The following CDIN1 variants were observed in gnomAD, a reference collection of about 807,000 sequenced individuals.
CDIN1 encodes CDAN1-interacting nuclease 1.
In CDIN1, 33 loss-of-function variants were observed where a neutral mutation model predicts 45.3. The observed-to-expected ratio is 0.73, with a 90% CI of 0.55 to 0.97. CDIN1 has a LOEUF of 0.97. Ranked by LOEUF, CDIN1 falls within the 50% of genes least tolerant of loss-of-function variation. The probability of loss-of-function intolerance (pLI) is 0.00; values close to 1 mark genes in which losing one functional copy is unlikely to be tolerated. For synonymous variants in CDIN1, 118 were observed against 124.4 expected (o/e 0.95, Z 0.34); for missense variants, 303 against 339.4 (o/e 0.89, Z 0.84).
chr15:36,618,638 T>C, intron 1 of CDIN1: 1 of 823,450 alleles, frequency 1.2e-6, no homozygotes, highest in East Asian at 2.4e-5. Flanking sequence ...GATAATGAAG[T>C]GTTGAGAGTT....
At chr15:36,645,749 G>A (rs1056426479) in intron 3 of CDIN1, among the ~76,000 whole-genome samples, 2 of 152,032 alleles carry the variant, frequency 1.3e-5, no homozygotes, top group Non-Finnish European at 2.9e-5. Context: ...ATAGGTATTA[G>A]GATATCCATT....
chr15:36,768,800 A>AAAG (rs374876141), intron 10 of CDIN1, among the ~76,000 whole-genome samples: 10 of 152,246 alleles, frequency 6.6e-5, no homozygotes, highest in African/African-American at 2.4e-4. Context: ...AGGAAAAAGC[A>AAAG]AAGAAGAGTA....
intron 10 of CDIN1, among the ~76,000 whole-genome samples, chr15:36,717,203 A>G (rs540883632): frequency 3.9e-5 from 6 of 152,208 alleles, no homozygotes; most frequent in Non-Finnish European, 8.8e-5. Flanking sequence ...GAATAAACTC[A>G]TATTTAAAGA....
At chr15:36,597,322 C>A (rs1041184315) in intron 1 of CDIN1, among the ~76,000 whole-genome samples, 2 of 152,144 alleles carry the variant, frequency 1.3e-5, no homozygotes, top group African/African-American at 4.8e-5. Flanking sequence ...TGCTCAAACT[C>A]TTTCTTTTCT....
chr15:36,739,020 G>C (rs2044134749), intron 10 of CDIN1, among the ~76,000 whole-genome samples: 1 of 152,234 alleles, frequency 6.6e-6, no homozygotes, highest in Non-Finnish European at 1.5e-5. Flanking sequence ...CAAAGTTTCT[G>C]AGACTTGGAA....
intron 1 of CDIN1, among the ~76,000 whole-genome samples, 188 bp downstream of exon 1, chr15:36,580,149 G>A (rs2036975719): frequency 6.6e-6 from 1 of 152,194 alleles, no homozygotes; most frequent in Admixed American, 6.5e-5. Flanking sequence ...AACTCTTAAC[G>A]GTGAGTTCAT....
intron 5 of CDIN1, among the ~76,000 whole-genome samples, chr15:36,679,747 C>A (rs1447402007): frequency 6.6e-6 from 1 of 152,052 alleles, no homozygotes; most frequent in Non-Finnish European, 1.5e-5. Context: ...ACCCACCAAC[C>A]TTTTCAAGGA....
At chr15:36,774,157 TGTGTGTGC>T (rs971854085) in intron 10 of CDIN1, among the ~76,000 whole-genome samples, 5 of 104,570 alleles carry the variant, frequency 4.8e-5, no homozygotes, top group African/African-American at 1.5e-4. Context: ...TGTGTGTGTG[TGTGTGTGC>T]GCGCGCGCGC....
intron 1 of CDIN1, among the ~76,000 whole-genome samples, chr15:36,586,941 A>T (rs2037329560): frequency 6.6e-6 from 1 of 152,216 alleles, no homozygotes; most frequent in South Asian, 2.1e-4. Flanking sequence ...GTTAAGTAGC[A>T]TTCTTAGGAT....
At chr15:36,599,775 G>A (rs1464038397) in intron 1 of CDIN1, among the ~76,000 whole-genome samples, 1 of 152,160 alleles carries the variant, frequency 6.6e-6, no homozygotes, top group African/African-American at 2.4e-5. Flanking sequence ...GTGATCCAGG[G>A]CTCCTCAGCT....
At chr15:36,660,815 A>G (rs2040982585) in intron 5 of CDIN1, among the ~76,000 whole-genome samples, 1 of 152,212 alleles carries the variant, frequency 6.6e-6, no homozygotes, top group Non-Finnish European at 1.5e-5. Context: ...GGGACTGAGT[A>G]TAAGTGCCTT....
chr15:36,731,626 A>G (rs2043837938), intron 10 of CDIN1, among the ~76,000 whole-genome samples: 2 of 151,920 alleles, frequency 1.3e-5, no homozygotes, highest in African/African-American at 4.8e-5. Context: ...TCCTCTGAAT[A>G]TTCTATATAT....
intron 1 of CDIN1, among the ~76,000 whole-genome samples, chr15:36,588,600 A>G (rs1338716214): frequency 6.6e-6 from 1 of 152,184 alleles, no homozygotes; most frequent in African/African-American, 2.4e-5. Context: ...TGTATTAATC[A>G]TTGGACTAGG....
intron 1 of CDIN1, among the ~76,000 whole-genome samples, chr15:36,608,166 G>A (rs1015592195): frequency 2.0e-5 from 3 of 151,992 alleles, no homozygotes; most frequent in African/African-American, 4.8e-5. Context: ...TTTTGTGTTG[G>A]CCTATGTTTT....
Position 36,654,143 on chromosome 15 carries a change from G to A in CDIN1, c.258G>A (p.Leu86=). Residue 86 remains leucine (L), a synonymous_variant, in exon 4 of 11, where the codon CTG becomes CTA. Transcript: ENST00000566621. ...VVKNGAAPVL[L]DLANEVDYAP... ...AAAATGGAGCTGCCCCAGTGCTCCT[G>A]GACCTGGCCAATGAGGTAATGTTAT... 1 of 1,574,166 alleles carries A rather than the reference G, an allele frequency of 6.4e-7. No individual in the cohort carries two copies. The highest frequency in any genetic ancestry group is 8.6e-7 in the Non-Finnish European group (1 of 1,157,508).
intron 10 of CDIN1, among the ~76,000 whole-genome samples, chr15:36,756,572 G>C (rs1463233658): frequency 6.6e-6 from 1 of 152,126 alleles, no homozygotes; most frequent in African/African-American, 2.4e-5. Context: ...GGTAGCAAGT[G>C]CCAGCTCACA....
At chr15:36,672,447 C>T (rs923438658) in intron 5 of CDIN1, among the ~76,000 whole-genome samples, 5 of 151,992 alleles carry the variant, frequency 3.3e-5, no homozygotes, top group Non-Finnish European at 5.9e-5. Flanking sequence ...AAATCCCTGT[C>T]CTCCAGGAGC....
chr15:36,808,543 G>A lies in CDIN1; in HGVS notation c.*90G>A. On this transcript the variant is annotated 3_prime_UTR_variant, in exon 11 of 11. Coordinates refer to ENST00000566621, the MANE Select transcript of CDIN1 (RefSeq NM_001321759.2). ...GCACTGTAAGATCCTGGCAACATCT[G>A]CCCTGAACTTCAGCTGAACTCTTGC... The A allele has an allele frequency of 6.6e-7, 1 of 1,516,896 alleles. No homozygotes were observed. Among genetic ancestry groups the A allele is most frequent in the Non-Finnish European group, 8.9e-7 (1 of 1,119,862 alleles). 94.0% of individuals were successfully genotyped at this position (1,516,896 alleles called of 1,614,324 possible).
intron 10 of CDIN1, among the ~76,000 whole-genome samples, chr15:36,778,145 T>C (rs1434043571): frequency 6.6e-6 from 1 of 152,120 alleles, no homozygotes. Flanking sequence ...AAGACCTCTG[T>C]TTTTAGGGTT....
Sources: allele counts gnomAD v4.1 joint callset (sites outside exome capture counted in the v4.1 genomes callset), GRCh38; gene constraint gnomAD v4.1.1; transcripts MANE v1.5; gene names NCBI Gene and HGNC (gene_info 2026-07-23, HGNC 2026-07-21).